The following PARP11 variants were observed in gnomAD, a reference collection of about 807,000 sequenced individuals.
The protein encoded by PARP11 is poly(ADP-ribose) polymerase family member 11.
A neutral mutation model predicts 42.9 loss-of-function variants in PARP11; 31 were observed. That is an observed-to-expected ratio of 0.72 (90% CI 0.54 to 0.98). PARP11 has a LOEUF of 0.98. Among genes scored for constraint, PARP11 ranks in the 50% least tolerant of loss-of-function variants. The pLI is 0.00. For synonymous variants in PARP11, 137 were observed against 127.3 expected (o/e 1.08, Z -0.51); for missense variants, 365 against 413.1 (o/e 0.88, Z 1.01).
In PARP11 at chr12:3,814,131, C is replaced by A; in HGVS notation, c.606G>T (p.Leu202=). The change falls in exon 7 of 8, where the codon CTG becomes CTT. Residue 202 remains leucine (L), a synonymous_variant. Transcript: ENST00000228820. ...RGVPQINEQM[L]FHGTSSEFVE... is the part of the protein sequence containing the mutation. ...CAAATTCACTGCTGGTACCATGAAA[C>A]AGCATTTGTTCATTAATCTGAGGCA... 1 of 1,609,356 alleles carries A rather than the reference C, an allele frequency of 6.2e-7. No individual in the cohort carries two copies. The highest frequency in any genetic ancestry group is 1.1e-5 in the South Asian group (1 of 90,312).
rs1235360977 is a variant in PARP11 at position 3,812,012 on chromosome 12, T to C, written c.*111A>G. 13 of 828,542 alleles carry C rather than the reference T, an allele frequency of 1.6e-5. No homozygotes were observed. The highest frequency in any genetic ancestry group is 4.0e-5 in the South Asian group (2 of 50,048). 51.3% of individuals were successfully genotyped at this position (828,542 alleles called of 1,614,324 possible). A position where few individuals can be genotyped will look rare whatever the true frequency, so the allele number is the denominator to read the frequency against. On this transcript the variant is annotated 3_prime_UTR_variant, in exon 8 of 8. Transcript: ENST00000228820. The stretch of plus-strand genomic sequence containing the variant: ...TATATGGAGGCCACTTTTTTTCATA[T>C]CTGTTTCAAAAGTATCAGATAATTA...
intron 1 of PARP11, among the ~76,000 whole-genome samples, chr12:3,859,307 G>A (rs1948253957): frequency 6.6e-6 from 1 of 152,060 alleles, no homozygotes; most frequent in Non-Finnish European, 1.5e-5. Context: ...GCTCACGTCT[G>A]TAATCCTAGC....
intron 1 of PARP11, among the ~76,000 whole-genome samples, chr12:3,836,348 G>A (rs1228813800): frequency 6.6e-6 from 1 of 151,050 alleles, no homozygotes; most frequent in South Asian, 2.1e-4. Flanking sequence ...AAAAAAAAGC[G>A]CCTATCAACC....
intron 1 of PARP11, chr12:3,839,506 A>G: frequency 1.2e-6 from 2 of 1,603,590 alleles, no homozygotes; most frequent in Admixed American, 3.3e-5. Flanking sequence ...AATGGCCTGT[A>G]TTCACTGTCT....
intron 6 of PARP11, among the ~76,000 whole-genome samples, chr12:3,818,233 C>T (rs927902305): frequency 3.9e-5 from 6 of 152,068 alleles, no homozygotes; most frequent in Non-Finnish European, 5.9e-5. Context: ...CTTTTCTTTC[C>T]CTCTTATCAA....
At chr12:3,870,339 T>A (rs1948453625) in intron 1 of PARP11, among the ~76,000 whole-genome samples, 2 of 152,290 alleles carry the variant, frequency 1.3e-5, no homozygotes, top group Non-Finnish European at 1.5e-5. Flanking sequence ...AAGAAGAATG[T>A]GAGATGATCT....
chr12:3,840,964 C>G lies in PARP11; in HGVS notation c.19-10946G>C. 6.2e-7 allele frequency: 1 copy of G among 1,607,530 alleles called. No individual in the cohort carries two copies. Among genetic ancestry groups the G allele is most frequent in the Non-Finnish European group, 8.5e-7 (1 of 1,174,152 alleles). On this transcript the variant is annotated intron_variant, in intron 1 of 7. Transcript: ENST00000228820. This position sits in a 1 kb window ranked among gnomAD's most constrained non-coding sequence, Gnocchi z 4.4. ...TTTACCAGCCACTGTGCCAGCCTGG[C>G]CAAGTGAACCTACAACTTTTGGACC...
At chr12:3,868,108 A>C (rs571180835) in intron 1 of PARP11, among the ~76,000 whole-genome samples, 1 of 152,296 alleles carries the variant, frequency 6.6e-6, no homozygotes, top group African/African-American at 2.4e-5. Context: ...CTTTGTAAGA[A>C]GCTGCAAAAA....
In PARP11 at chr12:3,842,377, A is replaced by C. The variant is rs563834566; in HGVS notation, c.19-12359T>G. The C allele has an allele frequency of 3.7e-5, 60 of 1,612,064 alleles. No homozygotes were observed. The South Asian group carries it at 6.5e-4, about 17-fold the overall frequency. On this transcript the variant is annotated intron_variant, in intron 1 of 7. Transcript: ENST00000228820. ...TAGGGGCGGATATCAACATGTGAGA[A>C]GTGAGGAGTCCTGGAAAGGACAGCC...
intron 1 of PARP11, among the ~76,000 whole-genome samples, chr12:3,845,540 CTT>C (rs537578964): frequency 2.0e-5 from 3 of 152,152 alleles, no homozygotes; most frequent in Non-Finnish European, 4.4e-5. Flanking sequence ...ATTTTGGCCT[CTT>C]TTGTTTTACC....
intron 4 of PARP11, among the ~76,000 whole-genome samples, chr12:3,822,492 G>A (rs1358037052): frequency 2.0e-5 from 3 of 147,940 alleles, no homozygotes; most frequent in Admixed American, 6.9e-5. Context: ...CCAGCTACTC[G>A]GGAGGCTGAG....
chr12:3,841,012 C>A (rs1453145790), intron 1 of PARP11: 1 of 1,590,548 alleles, frequency 6.3e-7, no homozygotes, highest in Non-Finnish European at 8.6e-7. Context: ...TGCTCCAATT[C>A]CTGGTCGGTC....
intron 6 of PARP11, among the ~76,000 whole-genome samples, chr12:3,817,266 G>T (rs942104197): frequency 6.6e-6 from 1 of 152,062 alleles, no homozygotes; most frequent in Non-Finnish European, 1.5e-5. Context: ...ATTCACTGGA[G>T]TTTCTCTTAG....
chr12:3,831,074 T>A (rs941324252), intron 1 of PARP11, among the ~76,000 whole-genome samples: 1 of 152,198 alleles, frequency 6.6e-6, no homozygotes, highest in African/African-American at 2.4e-5. Context: ...TGAGGGTTTT[T>A]AAATTATTAA....
intron 1 of PARP11, among the ~76,000 whole-genome samples, chr12:3,834,375 G>A (rs193066432): frequency 4.6e-5 from 7 of 152,318 alleles, no homozygotes; most frequent in African/African-American, 1.7e-4. Flanking sequence ...GTTCATGCCT[G>A]TGATCCCAGC....
intron 6 of PARP11, among the ~76,000 whole-genome samples, chr12:3,819,716 C>T (rs181095974): frequency 1.3e-5 from 2 of 152,186 alleles, no homozygotes; most frequent in African/African-American, 4.8e-5. Flanking sequence ...GCTTATAAGG[C>T]CCCACGTGGT....
chr12:3,836,041 AT>A (rs1947754551), intron 1 of PARP11, among the ~76,000 whole-genome samples: 1 of 151,970 alleles, frequency 6.6e-6, no homozygotes, highest in Admixed American at 6.6e-5. Flanking sequence ...ACACATATAT[AT>A]ATATACACAC....
intron 1 of PARP11, among the ~76,000 whole-genome samples, chr12:3,854,158 C>T (rs1359644374): frequency 6.6e-6 from 1 of 152,170 alleles, no homozygotes; most frequent in Admixed American, 6.5e-5. Flanking sequence ...AAATTTACAG[C>T]ACTAAATGCC....
chr12:3,826,578 C>A (rs1947531906), intron 3 of PARP11, among the ~76,000 whole-genome samples: 1 of 152,106 alleles, frequency 6.6e-6, no homozygotes. Context: ...GCTAAGAGTA[C>A]TAGAAAGAGA....
Sources: allele counts gnomAD v4.1 joint callset (sites outside exome capture counted in the v4.1 genomes callset), GRCh38; gene constraint gnomAD v4.1.1; non-coding constraint Gnocchi (gnomAD v3.1); transcripts MANE v1.5; gene names NCBI Gene and HGNC (gene_info 2026-07-23, HGNC 2026-07-21).